The following KLHL1 variants were observed in gnomAD, a reference collection of about 807,000 sequenced individuals.
KLHL1 encodes the protein kelch like family member 1.
A neutral mutation model predicts 77.7 loss-of-function variants in KLHL1; 47 were observed. That is an observed-to-expected ratio of 0.60 (90% CI 0.48 to 0.77). The LOEUF (loss-of-function observed/expected upper bound fraction) is 0.77. Among genes scored for constraint, KLHL1 ranks in the 30% least tolerant of loss-of-function variants. The probability of loss-of-function intolerance (pLI) is 0.00; values close to 1 mark genes in which losing one functional copy is unlikely to be tolerated. For synonymous variants in KLHL1, 360 were observed against 325.2 expected (o/e 1.11, Z -1.15); for missense variants, 925 against 910.8 (o/e 1.02, Z -0.20).
chr13:69,832,888 A>C (rs990415350), intron 6 of KLHL1, among the ~76,000 whole-genome samples: 1 of 152,160 alleles, frequency 6.6e-6, no homozygotes, highest in Non-Finnish European at 1.5e-5. Context: ...TTTTGTTGGG[A>C]TAATTGGCAA....
intron 4 of KLHL1, among the ~76,000 whole-genome samples, chr13:69,886,176 T>C (rs1019378035): frequency 6.6e-6 from 1 of 152,144 alleles, no homozygotes; most frequent in African/African-American, 2.4e-5. Context: ...TACACACATT[T>C]TCTACATATG....
At chr13:70,062,805 G>A (rs775221552) in intron 1 of KLHL1, among the ~76,000 whole-genome samples, 10 of 151,718 alleles carry the variant, frequency 6.6e-5, no homozygotes, top group South Asian at 4.2e-4. Context: ...ATTCATGTTC[G>A]TTTAACAAAA....
chr13:70,024,657 TCTC>T (rs1885896748), intron 1 of KLHL1, among the ~76,000 whole-genome samples: 1 of 147,902 alleles, frequency 6.8e-6, no homozygotes, highest in Non-Finnish European at 1.5e-5. Context: ...TCTCTCTCTC[TCTC>T]GCTCTGGCTC....
chr13:69,807,057 C>T (rs12585117), intron 6 of KLHL1, among the ~76,000 whole-genome samples: 3 of 152,104 alleles, frequency 2.0e-5, no homozygotes, highest in Admixed American at 6.5e-5. Context: ...AATACTGGGC[C>T]GAGTTTTGCC....
At chr13:69,850,274 C>A (rs1017011285) in intron 5 of KLHL1, among the ~76,000 whole-genome samples, 3 of 151,482 alleles carry the variant, frequency 2.0e-5, no homozygotes, top group Admixed American at 1.3e-4. Context: ...TAATTACCTG[C>A]ACTTCACTTT....
intron 5 of KLHL1, among the ~76,000 whole-genome samples, chr13:69,859,670 G>C (rs899512521): frequency 9.9e-5 from 15 of 152,078 alleles, no homozygotes; most frequent in South Asian, 6.2e-4. Flanking sequence ...TGACACTTTA[G>C]TGCCCTCAGA....
At chr13:70,004,699 ACTT>A (rs1885367248) in intron 1 of KLHL1, among the ~76,000 whole-genome samples, 1 of 151,922 alleles carries the variant, frequency 6.6e-6, no homozygotes. Flanking sequence ...CATTAAAAAT[ACTT>A]TTTTAAAATG....
chr13:69,878,259 T>C (rs909130616), intron 5 of KLHL1, among the ~76,000 whole-genome samples: 4 of 152,162 alleles, frequency 2.6e-5, no homozygotes, highest in African/African-American at 2.4e-5. Flanking sequence ...TTTATTTATA[T>C]ATTTTTGCTT....
chr13:69,781,695 C>T (rs1466999635), intron 7 of KLHL1, among the ~76,000 whole-genome samples: 1 of 152,112 alleles, frequency 6.6e-6, no homozygotes, highest in Admixed American at 6.5e-5. Flanking sequence ...AAATTTGAAA[C>T]ACATAAAATC....
chr13:69,729,486 A>G (rs1267764517), intron 8 of KLHL1, among the ~76,000 whole-genome samples: 2 of 152,152 alleles, frequency 1.3e-5, no homozygotes. Context: ...TTAGAATGAC[A>G]CATTAGTGTT....
chr13:69,905,519 T>A (rs1196522490), intron 4 of KLHL1, among the ~76,000 whole-genome samples: 2 of 152,056 alleles, frequency 1.3e-5, no homozygotes, highest in African/African-American at 4.8e-5. Flanking sequence ...ATAAATGATA[T>A]TAAATTCTAG....
Position 69,998,133 on chromosome 13 carries a change from C to T in KLHL1, c.498-22331G>A, listed in dbSNP as rs575123163. The stretch of plus-strand genomic sequence containing the variant: ...CATGTAAAATGTAAGTGTTCTCCAT[C>T]CACCAATTTACCAATAAGCTCACTG... On this transcript the variant is annotated intron_variant, in intron 1 of 10. Transcript: ENST00000377844. Among the ~76,000 whole-genome samples the T allele has an allele frequency of 1.2e-3, 176 of 152,214 alleles. 1 individual carries two copies. Among genetic ancestry groups the T allele is most frequent in the Middle Eastern group, 3.4e-3 (1 of 294 alleles).
chr13:69,910,667 A>G (rs375014526), intron 4 of KLHL1, among the ~76,000 whole-genome samples: 28 of 152,250 alleles, frequency 1.8e-4, no homozygotes, highest in African/African-American at 6.3e-4. Flanking sequence ...CAAAAAATTC[A>G]TATAAAACAC....
At chr13:69,968,992 C>G (rs958108971) in intron 2 of KLHL1, among the ~76,000 whole-genome samples, 2 of 151,866 alleles carry the variant, frequency 1.3e-5, no homozygotes, top group Non-Finnish European at 2.9e-5. Flanking sequence ...CCTAAGAATA[C>G]TATAAGAGAA....
At chr13:69,880,466 T>C (rs1593913309) in intron 5 of KLHL1, among the ~76,000 whole-genome samples, 1 of 152,298 alleles carries the variant, frequency 6.6e-6, no homozygotes, top group African/African-American at 2.4e-5. Context: ...TACATTTATG[T>C]CTATCGCACA....
intron 5 of KLHL1, among the ~76,000 whole-genome samples, chr13:69,841,464 A>G (rs1307135016): frequency 6.6e-6 from 1 of 151,886 alleles, no homozygotes; most frequent in Non-Finnish European, 1.5e-5. Context: ...TTTTATTTAC[A>G]GTGACTAAAA....
intron 1 of KLHL1, among the ~76,000 whole-genome samples, chr13:70,085,932 T>C (rs545631009): frequency 3.3e-5 from 5 of 152,314 alleles, no homozygotes; most frequent in Admixed American, 6.5e-5. Context: ...TGTCTATCCA[T>C]GTATATGGTG....
At chr13:69,864,535 C>A (rs1269222878) in intron 5 of KLHL1, among the ~76,000 whole-genome samples, 3 of 151,918 alleles carry the variant, frequency 2.0e-5, no homozygotes, top group Admixed American at 2.0e-4. Flanking sequence ...TTCATGTTCC[C>A]TGTTTTTTCA....
intron 6 of KLHL1, among the ~76,000 whole-genome samples, chr13:69,827,267 C>T (rs1878584794): frequency 6.7e-6 from 1 of 150,328 alleles, no homozygotes; most frequent in Non-Finnish European, 1.5e-5. Flanking sequence ...TCTTATATTT[C>T]AAATATGTTT....
Sources: allele counts gnomAD v4.1 joint callset (sites outside exome capture counted in the v4.1 genomes callset), GRCh38; gene constraint gnomAD v4.1.1; transcripts MANE v1.5; gene names NCBI Gene and HGNC (gene_info 2026-07-23, HGNC 2026-07-21).